The following CACNA1A variants were observed in gnomAD, a reference collection of about 807,000 sequenced individuals.
CACNA1A encodes voltage-dependent P/Q-type calcium channel subunit alpha-1A.
A neutral mutation model predicts 262.4 loss-of-function variants in CACNA1A; 57 were observed. The observed-to-expected ratio is 0.22, with a 90% CI of 0.18 to 0.27. The LOEUF is 0.27. Ranked by LOEUF, CACNA1A falls within the 10% of genes least tolerant of loss-of-function variation. The pLI, the probability that CACNA1A is intolerant of heterozygous loss-of-function variation, is 1.00. For synonymous variants in CACNA1A, 1,431 were observed against 1,419.3 expected (o/e 1.01, Z -0.18); for missense variants, 2,526 against 3,562.8 (o/e 0.71, Z 7.41).
At chr19:13,468,745 C>A (rs150545650) in intron 1 of CACNA1A, among the ~76,000 whole-genome samples, 1 of 152,232 alleles carries the variant, frequency 6.6e-6, no homozygotes, top group Non-Finnish European at 1.5e-5. Flanking sequence ...CAAGATCGTG[C>A]CGCTGCACTC....
At chr19:13,447,745 A>C (rs187443657) in intron 3 of CACNA1A, among the ~76,000 whole-genome samples, 2,921 of 152,278 alleles carry the variant, frequency 0.019, 87 homozygotes, top group African/African-American at 0.065. Context: ...AAGCTGAAGA[A>C]CTTGGAATCT....
chr19:13,504,602 T>A (rs992937267), intron 1 of CACNA1A, among the ~76,000 whole-genome samples: 17 of 151,696 alleles, frequency 1.1e-4, no homozygotes, highest in South Asian at 2.1e-4. Context: ...CAAAACCACA[T>A]ACAAAAGGGA....
chr19:13,293,439 CT>C (rs974515720), intron 19 of CACNA1A, among the ~76,000 whole-genome samples: 8,844 of 80,684 alleles, frequency 0.11, 75 homozygotes, highest in East Asian at 0.14. Flanking sequence ...TCAGTTAAAT[CT>C]TTTTTTTTTT....
intron 1 of CACNA1A, among the ~76,000 whole-genome samples, chr19:13,462,523 G>A (rs1008214570): frequency 3.9e-5 from 6 of 152,302 alleles, no homozygotes; most frequent in African/African-American, 1.4e-4. Context: ...CAAGCACAGC[G>A]ACCATAATTA....
chr19:13,453,844 T>C (rs573266297), intron 2 of CACNA1A, among the ~76,000 whole-genome samples: 1 of 152,324 alleles, frequency 6.6e-6, no homozygotes, highest in South Asian at 2.1e-4. Context: ...CACTGGTACT[T>C]CTACTTGCTT....
chr19:13,445,999 G>A (rs2060804174), intron 3 of CACNA1A, among the ~76,000 whole-genome samples: 1 of 152,168 alleles, frequency 6.6e-6, no homozygotes, highest in South Asian at 2.1e-4. Flanking sequence ...ATTAGGCCGG[G>A]CACGGTGGCT....
At chr19:13,409,080 C>T (rs143117327) in intron 3 of CACNA1A, among the ~76,000 whole-genome samples, 5 of 152,326 alleles carry the variant, frequency 3.3e-5, no homozygotes, top group African/African-American at 7.2e-5. Context: ...TTCTCATTCA[C>T]GCCATCTCCA....
chr19:13,246,879 G>A (rs1041444646), intron 30 of CACNA1A, among the ~76,000 whole-genome samples: 1 of 152,144 alleles, frequency 6.6e-6, no homozygotes, highest in African/African-American at 2.4e-5. Context: ...ATCCGCCTCG[G>A]CCTCCCAAAG....
At chr19:13,408,327 G>A (rs1050662850) in intron 3 of CACNA1A, among the ~76,000 whole-genome samples, 10 of 152,228 alleles carry the variant, frequency 6.6e-5, no homozygotes, top group African/African-American at 2.4e-4. Flanking sequence ...CCACGATCTT[G>A]CCACTGCACT....
intron 30 of CACNA1A, among the ~76,000 whole-genome samples, chr19:13,250,364 A>G (rs151097742): frequency 4.7e-4 from 71 of 151,008 alleles, no homozygotes; most frequent in African/African-American, 1.6e-3. Context: ...TCAGCCCCCA[A>G]TTTTTTAAAA....
chr19:13,322,053 T>G (rs2058265619), intron 10 of CACNA1A, among the ~76,000 whole-genome samples: 1 of 151,568 alleles, frequency 6.6e-6, no homozygotes, highest in African/African-American at 2.4e-5. Context: ...AATACAAAAA[T>G]TAGCCGGGCA....
chr19:13,393,332 A>G (rs2059742800), intron 3 of CACNA1A, among the ~76,000 whole-genome samples: 1 of 152,226 alleles, frequency 6.6e-6, no homozygotes, highest in Non-Finnish European at 1.5e-5. Context: ...TCTCACACAT[A>G]CAACGTCAAG....
At chr19:13,312,980 T>C (rs1022232793) in intron 11 of CACNA1A, among the ~76,000 whole-genome samples, 199 bp from the exon 12 acceptor site, 9 of 152,178 alleles carry the variant, frequency 5.9e-5, no homozygotes, top group African/African-American at 2.2e-4. Context: ...ATGCTAGAAC[T>C]ACAGGCATGT....
intron 3 of CACNA1A, among the ~76,000 whole-genome samples, chr19:13,376,701 A>G (rs1167909225): frequency 6.8e-6 from 1 of 147,876 alleles, no homozygotes; most frequent in East Asian, 1.9e-4. Context: ...TATATGTTAC[A>G]TATGATACAC....
chr19:13,386,707 C>T (rs1488802027), intron 3 of CACNA1A, among the ~76,000 whole-genome samples: 4 of 151,864 alleles, frequency 2.6e-5, no homozygotes, highest in African/African-American at 4.8e-5. Flanking sequence ...ACAGGAGAAT[C>T]GCTTGAACCC....
chr19:13,369,692 C>G (rs1040921818), intron 4 of CACNA1A, among the ~76,000 whole-genome samples: 2 of 152,170 alleles, frequency 1.3e-5, no homozygotes, highest in East Asian at 3.8e-4. Context: ...TTTTTTGAGA[C>G]AGGGTCACAC....
chr19:13,303,716 C>T (rs2144980045), intron 16 of CACNA1A, 51 bp downstream of exon 16: 6 of 1,559,280 alleles, frequency 3.8e-6, no homozygotes, highest in Admixed American at 1.7e-5. Context: ...TGCAACCTCT[C>T]CTCTGCCAGA....
intron 11 of CACNA1A, 51 bp from the exon 12 acceptor site, chr19:13,312,832 G>A: frequency 1.1e-6 from 1 of 919,254 alleles, no homozygotes; most frequent in South Asian, 1.7e-5. Context: ...GCTGAGGGTA[G>A]GGGTTCCAGG....
At chr19:13,400,414 A>G (rs2059880047) in intron 3 of CACNA1A, among the ~76,000 whole-genome samples, 1 of 152,160 alleles carries the variant, frequency 6.6e-6, no homozygotes, top group Admixed American at 6.5e-5. Context: ...AAGAGCCTGC[A>G]GTGTCCCAGT....
Sources: allele counts gnomAD v4.1 joint callset (sites outside exome capture counted in the v4.1 genomes callset), GRCh38; gene constraint gnomAD v4.1.1; transcripts MANE v1.5; gene names NCBI Gene and HGNC (gene_info 2026-07-23, HGNC 2026-07-21).